Variants in NDUFS1 observed in about 807,000 individuals in gnomAD.
NDUFS1 encodes NADH-ubiquinone oxidoreductase 75 kDa subunit, mitochondrial.
NDUFS1 carries 61 observed loss-of-function variants against 84.4 expected under a neutral mutation model. The ratio of observed to expected loss-of-function variants is 0.72; its 90% CI spans 0.59 to 0.89. NDUFS1 has a LOEUF of 0.89. Ranked by LOEUF, NDUFS1 falls within the 40% of genes least tolerant of loss-of-function variation. The probability of loss-of-function intolerance (pLI) is 0.00; values close to 1 mark genes in which losing one functional copy is unlikely to be tolerated. For missense variants in NDUFS1, 891 were observed against 890.0 expected (o/e 1.00, Z -0.01); for synonymous variants, 275 against 290.0 (o/e 0.95, Z 0.53).
rs759890668 is a variant in NDUFS1, at chr2:206,159,046, G to A, written c.-5+295C>T. The A allele has an allele frequency of 2.4e-5, 37 of 1,531,536 alleles. 1 individual carries two copies. The South Asian group carries it at 3.8e-4, about 16-fold the overall frequency. 94.9% of individuals were successfully genotyped at this position (1,531,536 alleles called of 1,614,324 possible). Reference sequence around the variant, plus strand: ...ATAAAACGGCCTCCTCCTCTGAGAGGGAAATGTCCTGAATTTTCCCTGCAG... The same window carrying A: ...ATAAAACGGCCTCCTCCTCTGAGAGAGAAATGTCCTGAATTTTCCCTGCAG... On this transcript the variant is annotated intron_variant, in intron 1 of 18. Transcript: ENST00000233190.
At position 206,147,625 on chromosome 2, in the gene NDUFS1, A is replaced by G. The variant is rs778246658; in HGVS notation, c.457T>C (p.Phe153Leu). Residue 153 changes from phenylalanine to leucine, a missense_variant, in exon 7 of 19, where the codon TTT becomes CTT. Physicochemically the swap from Phe to Leu is conservative, Grantham distance 22 (BLOSUM62 0). Transcript: ENST00000233190. ...SMMFGNDRSRFLEGKRAVEDK... is the reference protein window; with the variant it reads ...SMMFGNDRSRLLEGKRAVEDK... ...TCCACAGCACGCTTCCCCTCTAAAA[A>G]TCGGCTCCTATCATTTCCAAACATC... 9.3e-6 allele frequency: 15 copies of G among 1,614,168 alleles called. No individual in the cohort carries two copies. In the Admixed American group the frequency reaches 2.0e-4, roughly 22 times the overall value.
intron 3 of NDUFS1, 95 bp from the exon 4 acceptor site, chr2:206,150,020 T>C: frequency 1.3e-6 from 1 of 789,818 alleles, no homozygotes; most frequent in Non-Finnish European, 2.1e-6. Flanking sequence ...AGCATCTTAT[T>C]ACTTCTATCT....
intron 13 of NDUFS1, among the ~76,000 whole-genome samples, 162 bp downstream of exon 13, chr2:206,138,323 C>T (rs1030230020): frequency 1.3e-5 from 2 of 152,204 alleles, no homozygotes; most frequent in African/African-American, 4.8e-5. Context: ...TCAGGTGATC[C>T]ACCTGCCTCG....
At chr2:206,130,295 A>C (rs1559045083) in intron 14 of NDUFS1, 53 bp from the exon 15 acceptor site, 11 of 1,590,426 alleles carry the variant, frequency 6.9e-6, no homozygotes, top group Non-Finnish European at 9.5e-6. Flanking sequence ...CAATGTAAAA[A>C]ATTAAATGTG....
intron 1 of NDUFS1, chr2:206,158,983 A>C (rs1409707085): frequency 8.7e-7 from 1 of 1,143,510 alleles, no homozygotes; most frequent in Non-Finnish European, 1.3e-6. Context: ...GCTTAGTCTT[A>C]AGGCCTAAGT....
At chr2:206,141,558 T>C (rs973782420) in intron 12 of NDUFS1, among the ~76,000 whole-genome samples, 21 of 134,792 alleles carry the variant, frequency 1.6e-4, no homozygotes, top group African/African-American at 5.8e-4. Flanking sequence ...AAAATAAAAA[T>C]AAAAATAATT....
At chr2:206,134,465 C>T (rs184979030) in intron 13 of NDUFS1, among the ~76,000 whole-genome samples, 2 of 151,760 alleles carry the variant, frequency 1.3e-5, no homozygotes, top group African/African-American at 4.8e-5. Flanking sequence ...AAAACCTCGT[C>T]TCTACAAAAA....
intron 12 of NDUFS1, among the ~76,000 whole-genome samples, chr2:206,139,999 A>T (rs1691874634): frequency 6.6e-6 from 1 of 151,938 alleles, no homozygotes; most frequent in South Asian, 2.1e-4. Flanking sequence ...GAAAAAAAAA[A>T]TCAATGAAAT....
intron 18 of NDUFS1, among the ~76,000 whole-genome samples, chr2:206,125,322 T>C (rs1166850260): frequency 6.6e-6 from 1 of 151,908 alleles, no homozygotes; most frequent in Non-Finnish European, 1.5e-5. Flanking sequence ...ATTAGCTGGA[T>C]GTGGTGGTAT....
chr2:206,151,990 C>T (rs113690418), intron 3 of NDUFS1, among the ~76,000 whole-genome samples: 6 of 152,246 alleles, frequency 3.9e-5, no homozygotes, highest in African/African-American at 1.2e-4. Context: ...CTCAGCCTCT[C>T]GAGTAGCTGG....
In NDUFS1 at chr2:206,142,394, T is replaced by C. The variant is rs1461621893; in HGVS notation, c.1133+292A>G. 4.0e-5 allele frequency among the ~76,000 whole-genome samples: 6 copies of C among 151,696 alleles called. No individual in the cohort carries two copies. In the South Asian group the frequency reaches 8.4e-4, roughly 21 times the overall value. On this transcript the variant is annotated intron_variant, in intron 11 of 18. Transcript: ENST00000233190. ...CGTCTGGCTAATTTTTTTGTATTTT[T>C]AGTAGAGACGGGGTTTCGCCATGTT... is the stretch of plus-strand genomic sequence containing the variant.
At chr2:206,137,409 C>T (rs1410653441) in intron 13 of NDUFS1, among the ~76,000 whole-genome samples, 5 of 151,228 alleles carry the variant, frequency 3.3e-5, no homozygotes, top group Admixed American at 2.0e-4. Context: ...GCAGAGGTTG[C>T]AATGAGCCAA....
chr2:206,152,801 T>G (rs113097748), intron 2 of NDUFS1, among the ~76,000 whole-genome samples: 115 of 150,822 alleles, frequency 7.6e-4, no homozygotes, highest in African/African-American at 2.7e-3. Context: ...ACCTCCCCGG[T>G]TCAAGCGATT....
intron 18 of NDUFS1, among the ~76,000 whole-genome samples, chr2:206,125,675 G>T (rs1476354074): frequency 6.6e-6 from 1 of 151,004 alleles, no homozygotes; most frequent in Non-Finnish European, 1.5e-5. Flanking sequence ...AAAACTTTTA[G>T]GTTCAGGGGT....
At position 206,127,813 on chromosome 2, in the gene NDUFS1, A is replaced by T. The variant is rs201634181; in HGVS notation, c.1868T>A (p.Ile623Lys). ...PGLAREDWKI[I>K]RALSEIAGMT... The stretch of plus-strand genomic sequence containing the variant: ...AAATTATACCTCAGAGAGTGCTCTT[A>T]TAATTTTCCAGTCTTCTCTTGCCAA... Residue 623 changes from isoleucine (I) to lysine (K), a missense_variant, in exon 16 of 19, where the codon ATA (isoleucine) becomes AAA (lysine). Physicochemically the swap from Ile to Lys is moderately radical, Grantham distance 102 (BLOSUM62 -3). Transcript: ENST00000233190. The T allele has an allele frequency of 3.7e-6, 6 of 1,613,888 alleles. No individual in the cohort carries two copies. The highest frequency in any genetic ancestry group is 5.1e-6 in the Non-Finnish European group (6 of 1,179,998).
In NDUFS1 at chr2:206,147,955, T is replaced by C. The variant is rs567183229; in HGVS notation, c.339-121A>G. 22 of 890,940 alleles carry C rather than the reference T, an allele frequency of 2.5e-5. No homozygotes were observed. The African/African-American group carries it at 3.0e-4, about 12-fold the overall frequency. 55.2% of individuals were successfully genotyped at this position (890,940 alleles called of 1,614,324 possible). ...TTTTTTGAGATGGTGTCTCGCTCTG[T>C]TGCTCAGGCTGCAGTGCAGTGGCAC... On this transcript the variant is annotated intron_variant, in intron 5 of 18. Coordinates refer to ENST00000233190, the MANE Select transcript of NDUFS1 (RefSeq NM_005006.7).
At position 206,118,589 on chromosome 2, in the gene NDUFS1, C is replaced by T. The variant is rs1474320482; in HGVS notation, c.*5596G>A. The T allele has an allele frequency of 6.6e-6, 1 of 151,746 alleles. No individual in the cohort carries two copies. The highest frequency in any genetic ancestry group is 2.0e-4 in the East Asian group (1 of 5,098). The allele number at this position is 151,746 out of a possible 1,614,324, so 9.4% of individuals were successfully genotyped here. A position where few individuals can be genotyped will look rare whatever the true frequency, so the allele number is the denominator to read the frequency against. On this transcript the variant is annotated 3_prime_UTR_variant, in exon 19 of 19. Coordinates refer to ENST00000233190, the MANE Select transcript of NDUFS1 (RefSeq NM_005006.7). Reference sequence around the variant, plus strand: ...TGCAGTGTGCTGAGATCATGCCATGCATTGCACTCCAGTCTGGGTAACAGA... The same window carrying T: ...TGCAGTGTGCTGAGATCATGCCATGTATTGCACTCCAGTCTGGGTAACAGA...
chr2:206,146,733 C>G (rs911689677), intron 8 of NDUFS1, among the ~76,000 whole-genome samples, 170 bp downstream of exon 8: 14 of 152,182 alleles, frequency 9.2e-5, no homozygotes, highest in African/African-American at 3.1e-4. Context: ...TTAATTTGCA[C>G]AGGTTCAATC....
intron 18 of NDUFS1, among the ~76,000 whole-genome samples, chr2:206,124,621 C>T (rs1408813443): frequency 2.6e-5 from 4 of 152,050 alleles, no homozygotes; most frequent in African/African-American, 9.7e-5. Context: ...AGGTGGATCA[C>T]GAGGTCAGGA....
Sources: gnomAD v4.1 joint callset for allele counts (sites outside exome capture counted in the v4.1 genomes callset) on GRCh38, gnomAD v4.1.1 for gene constraint, MANE v1.5 for transcripts, NCBI Gene and HGNC (gene_info 2026-07-23, HGNC 2026-07-21) for gene names.